The following HEMK2 variants were observed in gnomAD, a reference collection of about 807,000 sequenced individuals.
The protein encoded by HEMK2 is methyltransferase HEMK2.
the HEMK2 span, among the ~76,000 whole-genome samples, chr21:28,862,118 G>A: frequency 3.9e-5 from 6 of 152,202 alleles, no homozygotes; most frequent in African/African-American, 9.7e-5. Context: ...ACTTCACAAA[G>A]GAGGTAAGGA....
chr21:28,865,632 C>T, the HEMK2 span, among the ~76,000 whole-genome samples: 1 of 152,192 alleles, frequency 6.6e-6, no homozygotes, highest in East Asian at 1.9e-4. Flanking sequence ...GAACCCTGGA[C>T]CTAGCCAGAC....
the HEMK2 span, among the ~76,000 whole-genome samples, chr21:28,587,996 G>A: frequency 6.6e-6 from 1 of 152,198 alleles, no homozygotes; most frequent in Non-Finnish European, 1.5e-5. Flanking sequence ...GCTGCAGTTG[G>A]CAGAAAGATC....
At chr21:28,841,830 A>G in the HEMK2 span, among the ~76,000 whole-genome samples, 1 of 152,074 alleles carries the variant, frequency 6.6e-6, no homozygotes, top group African/African-American at 2.4e-5. Flanking sequence ...ATAAAAACAA[A>G]AACCCTTAGA....
At chr21:28,779,367 G>A in the HEMK2 span, among the ~76,000 whole-genome samples, 1 of 152,222 alleles carries the variant, frequency 6.6e-6, no homozygotes, top group African/African-American at 2.4e-5. Context: ...GCCAGGAATA[G>A]AAAGAGTAAT....
chr21:28,656,321 C>T, the HEMK2 span, among the ~76,000 whole-genome samples: 86 of 152,154 alleles, frequency 5.7e-4, no homozygotes, highest in Non-Finnish European at 1.0e-3. Flanking sequence ...ACCACAACCA[C>T]TAACGGCTTG....
At chr21:28,721,794 T>C in the HEMK2 span, among the ~76,000 whole-genome samples, 12 of 152,054 alleles carry the variant, frequency 7.9e-5, no homozygotes, top group East Asian at 2.1e-3. Context: ...TGCTATTCAT[T>C]TTGCAAATGA....
chr21:28,672,108 A>C, the HEMK2 span, among the ~76,000 whole-genome samples: 3 of 152,144 alleles, frequency 2.0e-5, no homozygotes, highest in Non-Finnish European at 2.9e-5. Flanking sequence ...CTCCCAAAAA[A>C]AGAAACATAG....
At chr21:28,767,723 A>G in the HEMK2 span, among the ~76,000 whole-genome samples, 10 of 152,126 alleles carry the variant, frequency 6.6e-5, no homozygotes, top group East Asian at 1.9e-4. Flanking sequence ...CATCTAACAC[A>G]TAACAGTTGA....
chr21:28,818,587 C>T, the HEMK2 span, among the ~76,000 whole-genome samples: 3 of 152,172 alleles, frequency 2.0e-5, no homozygotes, highest in Non-Finnish European at 4.4e-5. Flanking sequence ...TCTCCTTCCC[C>T]TTCTTTGCCC....
chr21:28,591,743 T>G, the HEMK2 span, among the ~76,000 whole-genome samples: 1 of 152,130 alleles, frequency 6.6e-6, no homozygotes, highest in Non-Finnish European at 1.5e-5. Flanking sequence ...GTTGTTCCCC[T>G]ATATTTGCCC....
chr21:28,622,227 C>T, the HEMK2 span, among the ~76,000 whole-genome samples: 1 of 152,120 alleles, frequency 6.6e-6, no homozygotes, highest in Non-Finnish European at 1.5e-5. Flanking sequence ...CTTCCATTCA[C>T]AATTGCTACA....
chr21:28,812,391 T>C, the HEMK2 span, among the ~76,000 whole-genome samples: 2 of 152,216 alleles, frequency 1.3e-5, no homozygotes, highest in Non-Finnish European at 2.9e-5. Flanking sequence ...CCTGCATCTA[T>C]TGAGATAATC....
At chr21:28,714,946 C>T in the HEMK2 span, among the ~76,000 whole-genome samples, 2 of 152,138 alleles carry the variant, frequency 1.3e-5, no homozygotes, top group African/African-American at 4.8e-5. Context: ...CTAGCTCCAT[C>T]CACACTGCTG....
the HEMK2 span, among the ~76,000 whole-genome samples, chr21:28,687,770 A>G: frequency 6.6e-4 from 101 of 152,350 alleles, no homozygotes; most frequent in Non-Finnish European, 1.2e-3. Flanking sequence ...GATACAGGTA[A>G]TGTACTTGGC....
chr21:28,674,054 A>G, the HEMK2 span, among the ~76,000 whole-genome samples: 1 of 152,320 alleles, frequency 6.6e-6, no homozygotes, highest in East Asian at 1.9e-4. Context: ...TACAGGTCAC[A>G]AAGACCTTGC....
the HEMK2 span, among the ~76,000 whole-genome samples, chr21:28,707,412 G>C: frequency 0.56 from 84,404 of 151,614 alleles, 26,136 homozygotes; most frequent in East Asian, 0.84. Flanking sequence ...TGCGCCACCA[G>C]ACTGGGCTAA....
chr21:28,649,220 C>T, the HEMK2 span, among the ~76,000 whole-genome samples: 1 of 152,180 alleles, frequency 6.6e-6, no homozygotes, highest in South Asian at 2.1e-4. Context: ...TCCCCTCTCC[C>T]CTTAAAGTCA....
the HEMK2 span, among the ~76,000 whole-genome samples, chr21:28,590,141 C>T: frequency 6.6e-6 from 1 of 152,092 alleles, no homozygotes; most frequent in Admixed American, 6.6e-5. Context: ...TTGTTTTTTG[C>T]TTATTCTTTG....
the HEMK2 span, among the ~76,000 whole-genome samples, chr21:28,833,236 A>T: frequency 6.6e-6 from 1 of 152,264 alleles, no homozygotes; most frequent in East Asian, 1.9e-4. Flanking sequence ...TTGATTAGAA[A>T]GAAATAAAAC....
Sources: gnomAD v4.1 joint callset for allele counts (sites outside exome capture counted in the v4.1 genomes callset) on GRCh38, gnomAD v4.1.1 for gene constraint, MANE v1.5 for transcripts, NCBI Gene and HGNC (gene_info 2026-07-23, HGNC 2026-07-21) for gene names.